The following IQCB1 variants were observed in gnomAD, a reference collection of about 807,000 sequenced individuals.
The protein encoded by IQCB1 is IQ motif containing B1, also known as IQ calmodulin-binding motif-containing protein 1.
In IQCB1, 56 loss-of-function variants were observed where a neutral mutation model predicts 84.4. The observed-to-expected ratio is 0.66, with a 90% confidence interval of 0.54 to 0.83. The LOEUF (loss-of-function observed/expected upper bound fraction) is 0.83. IQCB1 is among the 40% of genes least tolerant of loss of function. The probability of loss-of-function intolerance (pLI) is 0.00; values close to 1 mark genes in which losing one functional copy is unlikely to be tolerated. For synonymous variants in IQCB1, 210 were observed against 234.8 expected (o/e 0.89, Z 0.96); for missense variants, 629 against 682.1 (o/e 0.92, Z 0.87).
Position 121,784,015 on chromosome 3 carries a change from G to A in IQCB1, c.1279-2141C>T, listed in dbSNP as rs1948609912. On this transcript the variant is annotated intron_variant, in intron 12 of 14. Coordinates refer to ENST00000310864, the MANE Select transcript of IQCB1 (RefSeq NM_001023570.4). ...CTTACAGTATTATGAAACAAATGTA[G>A]AAGTGTTTCTGTCACTGTATTGGAC... is the stretch of plus-strand genomic sequence containing the variant. 2.6e-5 allele frequency among the ~76,000 whole-genome samples: 4 copies of A among 152,200 alleles called. No homozygotes were observed. The South Asian group carries it at 8.3e-4, about 32-fold the overall frequency.
chr3:121,830,868 T>C (rs189366433), intron 2 of IQCB1, among the ~76,000 whole-genome samples: 35 of 152,350 alleles, frequency 2.3e-4, no homozygotes, highest in African/African-American at 8.4e-4. Context: ...CTGGAAGGAA[T>C]GCTGAACAGA....
At chr3:121,780,852 C>CTGTGTGTA (rs1559754397) in intron 13 of IQCB1, among the ~76,000 whole-genome samples, 1 of 145,660 alleles carries the variant, frequency 6.9e-6, no homozygotes, top group African/African-American at 2.6e-5. Flanking sequence ...GTGTGTGTAT[C>CTGTGTGTA]TGTGTGTGTG....
At position 121,776,960 on chromosome 3, in the gene IQCB1, G is replaced by T. The variant is rs930951512; in HGVS notation, c.1411-4247C>A. 2.6e-5 allele frequency among the ~76,000 whole-genome samples: 4 copies of T among 152,140 alleles called. No individual in the cohort carries two copies. The East Asian group carries it at 7.7e-4, about 29-fold the overall frequency. ...ATCTGTGCCTTGTTTCTTTAATTCT[G>T]TTAATGGTGTCTTATGAAGAGAAGT... On this transcript the variant is annotated intron_variant, in intron 13 of 14. Transcript: ENST00000310864.
chr3:121,809,048 T>C, intron 5 of IQCB1, 39 bp from the exon 6 acceptor site: 1 of 1,221,526 alleles, frequency 8.2e-7, no homozygotes, highest in South Asian at 1.4e-5. Flanking sequence ...TTTTCTATAG[T>C]TTTTTTCCTT....
At chr3:121,798,723 T>C (rs1274433329) in intron 8 of IQCB1, among the ~76,000 whole-genome samples, 2 of 151,958 alleles carry the variant, frequency 1.3e-5, no homozygotes, top group African/African-American at 4.8e-5. Context: ...TTCTGACTTT[T>C]AATTCACATA....
At chr3:121,806,587 T>G (rs930248331) in intron 7 of IQCB1, among the ~76,000 whole-genome samples, 1 of 152,084 alleles carries the variant, frequency 6.6e-6, no homozygotes, top group Non-Finnish European at 1.5e-5. Flanking sequence ...TTTCTCTTTC[T>G]CCTCTTCCTC....
At chr3:121,781,662 C>CACAA (rs1553709090) in intron 13 of IQCB1, 81 bp downstream of exon 13, 11 of 936,862 alleles carry the variant, frequency 1.2e-5, no homozygotes, top group South Asian at 9.0e-5. Flanking sequence ...CACACACACA[C>CACAA]AATATATGTG....
At chr3:121,794,036 G>A (rs1949090048) in intron 10 of IQCB1, among the ~76,000 whole-genome samples, 1 of 151,984 alleles carries the variant, frequency 6.6e-6, no homozygotes, top group South Asian at 2.1e-4. Flanking sequence ...TCACCACAGA[G>A]GCAATACCAA....
chr3:121,828,767 C>T, intron 3 of IQCB1, 94 bp downstream of exon 3: 1 of 1,028,062 alleles, frequency 9.7e-7, no homozygotes, highest in Non-Finnish European at 1.5e-6. Flanking sequence ...GTTAAGACCT[C>T]TCTGAACAAA....
At chr3:121,819,099 C>T (rs899946057) in intron 5 of IQCB1, among the ~76,000 whole-genome samples, 70 of 152,210 alleles carry the variant, frequency 4.6e-4, no homozygotes, top group Non-Finnish European at 2.1e-4. Context: ...GATTCAAGCC[C>T]ATTACATTTA....
chr3:121,826,369 C>T (rs1950467858), intron 4 of IQCB1, among the ~76,000 whole-genome samples, 189 bp from the exon 5 acceptor site: 1 of 152,188 alleles, frequency 6.6e-6, no homozygotes, highest in South Asian at 2.1e-4. Flanking sequence ...CATGCTTGTA[C>T]TTAGGTCTGG....
chr3:121,815,313 G>A (rs1246100823), intron 5 of IQCB1, among the ~76,000 whole-genome samples: 1 of 152,120 alleles, frequency 6.6e-6, no homozygotes, highest in Non-Finnish European at 1.5e-5. Flanking sequence ...CACACTGAAT[G>A]GGCAAAAGCT....
In IQCB1 at chr3:121,828,571, A is replaced by G. The variant is rs149152786; in HGVS notation, c.162T>C (p.Tyr54=). The change falls in exon 4 of 15, where the codon TAT becomes TAC. Residue 54 remains tyrosine (Y), a synonymous_variant. Coordinates refer to ENST00000310864, the MANE Select transcript of IQCB1 (RefSeq NM_001023570.4). ...SELKKIKQDI[Y]CYDLIQYCLL... is the part of the protein sequence containing the mutation. ...GGCAATATTGAATGAGATCATAACA[A>G]TATATATCTTGTTTGATTTTCTTCA... 71 of 1,604,860 alleles carry G rather than the reference A, an allele frequency of 4.4e-5. No individual in the cohort carries two copies. The highest frequency in any genetic ancestry group is 1.3e-5 in the African/African-American group (1 of 74,726).
intron 5 of IQCB1, among the ~76,000 whole-genome samples, chr3:121,818,753 T>C (rs755979114): frequency 3.3e-5 from 5 of 152,168 alleles, no homozygotes; most frequent in Non-Finnish European, 7.4e-5. Flanking sequence ...GGTCAGAAGA[T>C]GACCACGAAT....
chr3:121,795,398 A>G, intron 10 of IQCB1, 59 bp downstream of exon 10: 1 of 907,990 alleles, frequency 1.1e-6, no homozygotes, highest in South Asian at 1.3e-5. Flanking sequence ...CTAAATTTCA[A>G]TTCAACTGTA....
chr3:121,791,656 G>C (rs772062587), intron 10 of IQCB1, among the ~76,000 whole-genome samples: 19 of 152,250 alleles, frequency 1.2e-4, no homozygotes, highest in South Asian at 2.1e-4. Context: ...ATAGCAACTT[G>C]CCTGTTCTAC....
intron 13 of IQCB1, among the ~76,000 whole-genome samples, chr3:121,781,383 G>A (rs1299020455): frequency 6.6e-6 from 1 of 152,100 alleles, no homozygotes; most frequent in African/African-American, 2.4e-5. Context: ...TCCAACAAAT[G>A]TAAGAATGAA....
chr3:121,781,839 C>A lies in IQCB1; in HGVS notation c.1314G>T (p.Lys438Asn), dbSNP rs768913508. Reference sequence around the variant, plus strand: ...GTCCTCGCCAAGGAGCAAATAGTTTCTTTTTCTTACGGCACTTCGCTAGGA... The same window carrying A: ...GTCCTCGCCAAGGAGCAAATAGTTTATTTTTCTTACGGCACTTCGCTAGGA... ...LKFLAKCRKKKKLFAPWRGLQ... is the reference protein window; with the variant it reads ...LKFLAKCRKKNKLFAPWRGLQ... Residue 438 changes from lysine to asparagine, a missense_variant, in exon 13 of 15, where the codon AAG becomes AAT. Physicochemically the swap from Lys to Asn is moderately conservative, Grantham distance 94. Coordinates refer to ENST00000310864, the MANE Select transcript of IQCB1 (RefSeq NM_001023570.4). 5.0e-6 allele frequency: 8 copies of A among 1,613,826 alleles called. No individual in the cohort carries two copies. Among genetic ancestry groups the A allele is most frequent in the Non-Finnish European group, 6.8e-6 (8 of 1,179,842 alleles).
At chr3:121,833,956 T>A (rs1708104278) in intron 2 of IQCB1, 1 of 152,154 alleles carries the variant, frequency 6.6e-6, no homozygotes, top group Non-Finnish European at 1.5e-5. Context: ...CCAACAACTC[T>A]AAGGAACAGA....
Sources: gnomAD v4.1 joint callset for allele counts (sites outside exome capture counted in the v4.1 genomes callset) on GRCh38, gnomAD v4.1.1 for gene constraint, MANE v1.5 for transcripts, NCBI Gene and HGNC (gene_info 2026-07-23, HGNC 2026-07-21) for gene names.